The following CALB1 variants were observed in gnomAD, a reference collection of about 807,000 sequenced individuals.
CALB1 encodes the protein calbindin.
In CALB1, 16 loss-of-function variants were observed where a neutral mutation model predicts 46.7. That is an observed-to-expected ratio of 0.34 (90% confidence interval 0.23 to 0.52). The LOEUF (loss-of-function observed/expected upper bound fraction) is 0.52, where lower values mean the gene tolerates loss of function less well. CALB1 is among the 20% of genes least tolerant of loss of function. The pLI, the probability that CALB1 is intolerant of heterozygous loss-of-function variation, is 0.95. For synonymous variants in CALB1, 90 were observed against 112.8 expected, an observed-to-expected ratio of 0.80 and a Z score of 1.28; for missense variants, 224 against 300.3, an observed-to-expected ratio of 0.75 and a Z score of 1.88.
At chr8:90,071,398 C>A (rs555569017) in intron 3 of CALB1, among the ~76,000 whole-genome samples, 2 of 152,050 alleles carry the variant, frequency 1.3e-5, no homozygotes, top group African/African-American at 4.8e-5. Context: ...GGTCTCCCCC[C>A]AGAGCTAAGG....
At chr8:90,062,983 G>T in intron 9 of CALB1, 117 bp downstream of exon 9, 1 of 655,064 alleles carries the variant, frequency 1.5e-6, no homozygotes, top group Non-Finnish European at 2.6e-6. Flanking sequence ...AAGATCTGCT[G>T]TCAAGATTGT....
At chr8:90,060,932 A>C (rs1178929151) in intron 9 of CALB1, 2 of 512,568 alleles carry the variant, frequency 3.9e-6, no homozygotes, top group Non-Finnish European at 3.5e-6. Flanking sequence ...TGAACTTTTC[A>C]AAGTACTTAC....
At chr8:90,081,744 AT>A (rs1814735202) in intron 2 of CALB1, among the ~76,000 whole-genome samples, 2 of 151,444 alleles carry the variant, frequency 1.3e-5, no homozygotes, top group South Asian at 4.2e-4. Flanking sequence ...CCTTTAGAAA[AT>A]CTGTCTCTCT....
At chr8:90,069,730 G>C (rs951446374) in intron 3 of CALB1, among the ~76,000 whole-genome samples, 8 of 152,130 alleles carry the variant, frequency 5.3e-5, no homozygotes, top group Non-Finnish European at 1.2e-4. Context: ...AGCCCGAGGA[G>C]AAAGCCTACC....
At chr8:90,060,747 T>A (rs544024624) in intron 9 of CALB1, 47 bp from the exon 10 acceptor site, 192 of 1,329,310 alleles carry the variant, frequency 1.4e-4, no homozygotes, top group Middle Eastern at 1.1e-3. Flanking sequence ...CCATCTACAG[T>A]AGTGGGAAAT....
intron 3 of CALB1, among the ~76,000 whole-genome samples, 189 bp from the exon 4 acceptor site, chr8:90,069,426 C>A (rs77874164): frequency 6.6e-6 from 1 of 152,166 alleles, no homozygotes; most frequent in South Asian, 2.1e-4. Context: ...CTCCAACGCT[C>A]GTGTGCCCTT....
intron 3 of CALB1, among the ~76,000 whole-genome samples, chr8:90,073,624 C>T (rs549140838): frequency 3.9e-5 from 6 of 152,298 alleles, no homozygotes; most frequent in African/African-American, 1.4e-4. Context: ...ATCTGCTTCC[C>T]AGGGAACTCT....
chr8:90,065,846 A>T (rs1814385936), intron 6 of CALB1, 52 bp downstream of exon 6: 1 of 1,169,278 alleles, frequency 8.6e-7, no homozygotes, highest in Non-Finnish European at 1.3e-6. Flanking sequence ...TAGCAAGAAC[A>T]TCATACTACT....
At chr8:90,066,246 T>A (rs1814394529) in intron 5 of CALB1, among the ~76,000 whole-genome samples, 1 of 152,038 alleles carries the variant, frequency 6.6e-6, no homozygotes, top group Non-Finnish European at 1.5e-5. Flanking sequence ...CATGACTTTA[T>A]GATTTCAATT....
At chr8:90,072,744 T>C (rs975853306) in intron 3 of CALB1, among the ~76,000 whole-genome samples, 1 of 152,200 alleles carries the variant, frequency 6.6e-6, no homozygotes, top group Non-Finnish European at 1.5e-5. Flanking sequence ...GTAGAGTTGC[T>C]TTATTCTCAG....
intron 3 of CALB1, among the ~76,000 whole-genome samples, chr8:90,070,837 A>AGTGT (rs35368479): frequency 0.015 from 1,768 of 121,682 alleles, 21 homozygotes; most frequent in South Asian, 0.041. Flanking sequence ...GCATCATTGC[A>AGTGT]GTGTGTGTGT....
At chr8:90,075,672 T>G (rs1483247808) in intron 3 of CALB1, among the ~76,000 whole-genome samples, 1 of 152,172 alleles carries the variant, frequency 6.6e-6, no homozygotes, top group East Asian at 1.9e-4. Context: ...TTTCCACATT[T>G]TCTACATGTA....
chr8:90,063,572 G>A (rs960397787), intron 6 of CALB1, 111 bp from the exon 7 acceptor site: 1 of 844,918 alleles, frequency 1.2e-6, no homozygotes, highest in African/African-American at 1.7e-5. Flanking sequence ...TATATATGCA[G>A]TAAAATTTTA....
Position 90,060,084 on chromosome 8 carries a change from TATAAA to T in CALB1, c.*84_*88del, listed in dbSNP as rs1173296889. The T allele has an allele frequency of 7.8e-6, 6 of 767,306 alleles. No homozygotes were observed. The highest frequency in any genetic ancestry group is 2.9e-5 in the South Asian group (2 of 68,748). The allele number at this position is 767,306 out of a possible 1,614,324, so 47.5% of individuals were successfully genotyped here. A position where few individuals can be genotyped will look rare whatever the true frequency, so the allele number is the denominator to read the frequency against. ...ATCTATATGCAGTTAAATTTACAGA[TATAAA>T]AGAAAATACAGCCTACTCCCTTATA... On this transcript the variant is annotated 3_prime_UTR_variant, in exon 11 of 11. Transcript: ENST00000265431.
chr8:90,060,867 A>C (rs1215032865), intron 9 of CALB1, 167 bp from the exon 10 acceptor site: 1 of 630,938 alleles, frequency 1.6e-6, no homozygotes, highest in Non-Finnish European at 2.8e-6. Flanking sequence ...AAAGCTGTAA[A>C]ATATGCAAGG....
At chr8:90,075,453 G>A (rs975625257) in intron 3 of CALB1, among the ~76,000 whole-genome samples, 1 of 152,062 alleles carries the variant, frequency 6.6e-6, no homozygotes, top group African/African-American at 2.4e-5. Flanking sequence ...GATGTCAGTA[G>A]GTAGATTATT....
chr8:90,061,076 C>A, intron 9 of CALB1: 1 of 178,288 alleles, frequency 5.6e-6, no homozygotes, highest in Non-Finnish European at 1.2e-5. Flanking sequence ...CAGGAGTAAA[C>A]AAATTAGAAG....
intron 1 of CALB1, 114 bp downstream of exon 1, chr8:90,082,505 A>T (rs1814750522): frequency 2.4e-6 from 2 of 845,322 alleles, no homozygotes; most frequent in Admixed American, 3.8e-5. Flanking sequence ...AGAAGGGGGA[A>T]GAAGTAAAGA....
At chr8:90,069,959 C>G (rs1814477223) in intron 3 of CALB1, among the ~76,000 whole-genome samples, 1 of 151,254 alleles carries the variant, frequency 6.6e-6, no homozygotes, top group African/African-American at 2.4e-5. Flanking sequence ...CATTTCAAAA[C>G]TTCAATCCTC....
Sources: gnomAD v4.1 joint callset for allele counts (sites outside exome capture counted in the v4.1 genomes callset) on GRCh38, gnomAD v4.1.1 for gene constraint, MANE v1.5 for transcripts, NCBI Gene and HGNC (gene_info 2026-07-23, HGNC 2026-07-21) for gene names.